The following ATP10A variants were observed in gnomAD, a reference collection of about 807,000 sequenced individuals.
ATP10A encodes the protein phospholipid-transporting ATPase VA.
ATP10A carries 111 observed loss-of-function variants against 147.8 expected under a neutral mutation model. The observed-to-expected ratio is 0.75, with a 90% CI of 0.64 to 0.88. The LOEUF (loss-of-function observed/expected upper bound fraction) is 0.88, where lower values mean the gene tolerates loss of function less well. ATP10A is among the 40% of genes least tolerant of loss of function. The pLI is 0.00. For missense variants in ATP10A, 1,927 were observed against 1,959.0 expected (o/e 0.98, Z 0.31); for synonymous variants, 875 against 841.6 (o/e 1.04, Z -0.69).
At chr15:25,855,881 G>A (rs564461170) in intron 1 of ATP10A, among the ~76,000 whole-genome samples, 5 of 152,254 alleles carry the variant, frequency 3.3e-5, no homozygotes, top group Admixed American at 6.5e-5. Context: ...TAAACATACT[G>A]ACCAAAACTT....
intron 2 of ATP10A, among the ~76,000 whole-genome samples, chr15:25,780,769 A>T (rs113186875): frequency 5.7e-4 from 87 of 152,318 alleles, no homozygotes; most frequent in African/African-American, 2.0e-3. Flanking sequence ...AACAAATAAC[A>T]TTCTGCGAAA....
rs201325417 is a variant in ATP10A, at chr15:25,789,402, C to CAG, written c.450-8181_450-8180dup. ...AGAAGTGTGTAACACTTTAAACAAA[C>CAG]AGCAAATGTGAAACCAGGACACAGT... On this transcript the variant is annotated intron_variant, in intron 1 of 20. Transcript: ENST00000555815. Among the ~76,000 whole-genome samples the CAG allele has an allele frequency of 6.3e-3, 959 of 152,272 alleles. 16 individuals carry two copies. Among genetic ancestry groups the CAG allele is most frequent in the East Asian group, 0.03 (154 of 5,176 alleles).
intron 1 of ATP10A, among the ~76,000 whole-genome samples, chr15:25,818,164 A>G (rs976537854): frequency 3.9e-5 from 6 of 152,196 alleles, no homozygotes; most frequent in African/African-American, 1.4e-4. Context: ...CTAGAAACAC[A>G]TAAATATCTC....
intron 1 of ATP10A, among the ~76,000 whole-genome samples, chr15:25,853,581 T>C (rs1893380756): frequency 6.6e-6 from 1 of 152,112 alleles, no homozygotes; most frequent in Admixed American, 6.5e-5. Context: ...TGCCAGTCAC[T>C]GTGATTGTTA....
chr15:25,747,960 ATTC>A (rs1172997639), intron 2 of ATP10A, among the ~76,000 whole-genome samples: 4 of 152,030 alleles, frequency 2.6e-5, no homozygotes, highest in Non-Finnish European at 5.9e-5. Flanking sequence ...TTAGGCAAAA[ATTC>A]TTTTTTTTTT....
Position 25,714,046 on chromosome 15 carries a change from G to A in ATP10A, c.1972C>T (p.Leu658=). 1 of 1,612,178 alleles carries A rather than the reference G, an allele frequency of 6.2e-7. No individual in the cohort carries two copies. Among genetic ancestry groups the A allele is most frequent in the African/African-American group, 1.3e-5 (1 of 75,070 alleles). ...DGMLLRLEER[L]GQPTSAIASN... is the part of the protein sequence containing the mutation. ...GCGATGGCCGAGGTGGGCTGGCCCA[G>A]CCTCTCCTCCAGCCTGAGAAGCATG... is the stretch of plus-strand genomic sequence containing the variant. The change falls in exon 10 of 21, where the codon CTG becomes TTG. Residue 658 remains leucine, a synonymous_variant. Coordinates refer to ENST00000555815, the MANE Select transcript of ATP10A (RefSeq NM_024490.4).
At chr15:25,749,002 G>T (rs988246211) in intron 2 of ATP10A, among the ~76,000 whole-genome samples, 2 of 142,670 alleles carry the variant, frequency 1.4e-5, no homozygotes, top group African/African-American at 5.3e-5. Flanking sequence ...GGCAGAGGTT[G>T]CAATGAGCCA....
At chr15:25,799,851 A>G (rs1890854398) in intron 1 of ATP10A, among the ~76,000 whole-genome samples, 1 of 152,236 alleles carries the variant, frequency 6.6e-6, no homozygotes, top group Non-Finnish European at 1.5e-5. Context: ...ATCAACTGGT[A>G]CATTTATAAA....
At position 25,701,949 on chromosome 15, in the gene ATP10A, G is replaced by A. The variant is rs114528601; in HGVS notation, c.2727C>T (p.Asp909=). 8,083 of 1,612,016 alleles carry A rather than the reference G, an allele frequency of 5.0e-3. 53 individuals are homozygous for A. Among genetic ancestry groups the A allele is most frequent in the African/African-American group, 0.027 (2,036 of 74,960 alleles). ...TGGCATTCAGGGTGATGACCTCCTC[G>A]TCGTGGTCCAGCAGTTTGCAGGCAT... ...IAYACKLLDH[D]EEVITLNATS... is the part of the protein sequence containing the mutation. Residue 909 remains aspartate (D), a synonymous_variant, in exon 13 of 21, where the codon GAC becomes GAT. Transcript: ENST00000555815.
chr15:25,793,003 T>C (rs1285276090), intron 1 of ATP10A, among the ~76,000 whole-genome samples: 1 of 151,872 alleles, frequency 6.6e-6, no homozygotes, highest in Non-Finnish European at 1.5e-5. Context: ...CCCGAGTAGC[T>C]GGGACTACAG....
rs748588874 is a variant in ATP10A, at chr15:25,708,202, T to C, written c.2443A>G (p.Lys815Glu). The C allele has an allele frequency of 2.2e-5, 35 of 1,614,244 alleles. No individual in the cohort carries two copies. In the South Asian group the frequency reaches 3.5e-4, roughly 16 times the overall value. ...GCGGAGACACCCCCACTCACTCTCT[T>C]GGCGATGCACAAGGTGCGCAGGCCT... ...AEGLRTLCIA[K>E]RVLSKEEYAC... Residue 815 changes from lysine (K) to glutamate (E), a missense_variant, in exon 11 of 21, where the codon AAG (lysine) becomes GAG (glutamate). Lys to Glu is a moderately conservative substitution (Grantham distance 56). Transcript: ENST00000555815.
At chr15:25,793,231 T>C (rs1249676458) in intron 1 of ATP10A, among the ~76,000 whole-genome samples, 1 of 152,126 alleles carries the variant, frequency 6.6e-6, no homozygotes, top group Non-Finnish European at 1.5e-5. Context: ...TTAAGGCCAT[T>C]TTATTCAATT....
At chr15:25,698,040 G>A (rs953002822) in intron 13 of ATP10A, among the ~76,000 whole-genome samples, 2 of 151,794 alleles carry the variant, frequency 1.3e-5, no homozygotes, top group African/African-American at 4.9e-5. Context: ...CAGCCAAGAA[G>A]AGTGTAAGGA....
intron 1 of ATP10A, among the ~76,000 whole-genome samples, chr15:25,810,931 G>C (rs1891400095): frequency 6.6e-6 from 1 of 152,152 alleles, no homozygotes; most frequent in Admixed American, 6.5e-5. Context: ...CACAAAGCCA[G>C]GACGGTCTGA....
intron 1 of ATP10A, among the ~76,000 whole-genome samples, chr15:25,790,933 G>T (rs147321779): frequency 6.6e-6 from 1 of 152,032 alleles, no homozygotes; most frequent in African/African-American, 2.4e-5. Context: ...GGAGTTGTGC[G>T]CTCCTTATTC....
At chr15:25,836,034 C>T (rs1290276244) in intron 1 of ATP10A, among the ~76,000 whole-genome samples, 1 of 152,162 alleles carries the variant, frequency 6.6e-6, no homozygotes, top group Non-Finnish European at 1.5e-5. Flanking sequence ...AGGATGGTCT[C>T]GATCTCCTGA....
intron 2 of ATP10A, among the ~76,000 whole-genome samples, chr15:25,753,005 A>G (rs374958674): frequency 6.6e-6 from 1 of 152,186 alleles, no homozygotes; most frequent in Non-Finnish European, 1.5e-5. Flanking sequence ...GGTATAAAGT[A>G]ATGGTATAAT....
chr15:25,777,779 T>TG (rs1209604236), intron 2 of ATP10A, among the ~76,000 whole-genome samples: 1 of 28,838 alleles, frequency 3.5e-5, no homozygotes, highest in African/African-American at 1.8e-4. Flanking sequence ...TTTTTCTTTC[T>TG]TTCTTTTTTT....
downstream of ATP10A, among the ~76,000 whole-genome samples, chr15:25,674,210 G>A (rs971379277): frequency 4.6e-5 from 7 of 152,244 alleles, no homozygotes; most frequent in Non-Finnish European, 1.0e-4. Flanking sequence ...CTTGCTGGGT[G>A]ATGAGGCAGA....
Sources: gnomAD v4.1 joint callset for allele counts (sites outside exome capture counted in the v4.1 genomes callset) on GRCh38, gnomAD v4.1.1 for gene constraint, MANE v1.5 for transcripts, NCBI Gene and HGNC (gene_info 2026-07-23, HGNC 2026-07-21) for gene names.